The following PDE11A variants were observed in gnomAD, a reference collection of about 807,000 sequenced individuals.
PDE11A encodes the protein dual 3',5'-cyclic-AMP and -GMP phosphodiesterase 11A.
Under a neutral mutation model 100.5 loss-of-function variants are expected in PDE11A, and 100 were observed. That is an observed-to-expected ratio of 1.00 (90% CI 0.85 to 1.18). The LOEUF (loss-of-function observed/expected upper bound fraction) is 1.18. PDE11A is among the 50% of genes most tolerant of loss of function. The pLI, the probability that PDE11A is intolerant of heterozygous loss-of-function variation, is 0.00. For synonymous variants in PDE11A, 381 were observed against 420.8 expected (o/e 0.91, Z 1.16); for missense variants, 1,141 against 1,152.6 (o/e 0.99, Z 0.15).
At chr2:178,028,342 A>G (rs1454711228) in intron 1 of PDE11A, among the ~76,000 whole-genome samples, 2 of 150,390 alleles carry the variant, frequency 1.3e-5, no homozygotes, top group Non-Finnish European at 2.9e-5. Flanking sequence ...CTCTTGCCCT[A>G]TAATATGAGA....
At chr2:177,669,687 G>A in intron 17 of PDE11A, 120 bp from the exon 18 acceptor site, 1 of 717,726 alleles carries the variant, frequency 1.4e-6, no homozygotes, top group South Asian at 1.5e-5. Context: ...AAGCTTATGA[G>A]GAAGTAAGTA....
intron 2 of PDE11A, among the ~76,000 whole-genome samples, chr2:177,913,521 A>G (rs1247041732): frequency 6.6e-6 from 1 of 152,000 alleles, no homozygotes; most frequent in Non-Finnish European, 1.5e-5. Flanking sequence ...TTCCTGTCCC[A>G]CTACCCACTC....
At chr2:177,705,818 T>C (rs1203134787) in intron 13 of PDE11A, among the ~76,000 whole-genome samples, 3 of 152,226 alleles carry the variant, frequency 2.0e-5, no homozygotes, top group African/African-American at 7.2e-5. Context: ...TTCTGGGACC[T>C]GGCCGAAAGC....
intron 17 of PDE11A, among the ~76,000 whole-genome samples, chr2:177,671,169 T>TG (rs2080673522): frequency 6.6e-6 from 1 of 152,116 alleles, no homozygotes; most frequent in African/African-American, 2.4e-5. Context: ...CGCCTCAAGG[T>TG]GGGAGTCCTG....
intron 1 of PDE11A, among the ~76,000 whole-genome samples, chr2:178,069,217 A>G (rs2087091665): frequency 6.6e-6 from 1 of 152,150 alleles, no homozygotes; most frequent in African/African-American, 2.4e-5. Flanking sequence ...AACAAAAATA[A>G]TCTTTGCTAG....
chr2:177,939,007 T>G (rs957957680), intron 2 of PDE11A, among the ~76,000 whole-genome samples: 13 of 152,214 alleles, frequency 8.5e-5, no homozygotes, highest in African/African-American at 3.1e-4. Flanking sequence ...ACAACCATGC[T>G]GACACCTTGA....
chr2:178,058,576 C>T (rs920940485), intron 1 of PDE11A, among the ~76,000 whole-genome samples: 21 of 152,154 alleles, frequency 1.4e-4, no homozygotes, highest in Non-Finnish European at 5.9e-5. Flanking sequence ...TTTTTCTTCC[C>T]AGTCTCGGGT....
chr2:178,065,477 G>A (rs1238035968), intron 1 of PDE11A, among the ~76,000 whole-genome samples: 3 of 152,174 alleles, frequency 2.0e-5, no homozygotes, highest in African/African-American at 7.2e-5. Flanking sequence ...TGTAGGAACT[G>A]TGCCTTTCTG....
intron 1 of PDE11A, among the ~76,000 whole-genome samples, chr2:178,029,949 T>C (rs894516306): frequency 6.6e-6 from 1 of 152,180 alleles, no homozygotes; most frequent in African/African-American, 2.4e-5. Context: ...TTCCACCATG[T>C]TATGCCACAG....
At chr2:178,059,716 A>G (rs2086943496) in intron 1 of PDE11A, among the ~76,000 whole-genome samples, 1 of 152,162 alleles carries the variant, frequency 6.6e-6, no homozygotes, top group South Asian at 2.1e-4. Context: ...AACAGGAAGA[A>G]TCATCTCCCT....
intron 9 of PDE11A, among the ~76,000 whole-genome samples, chr2:177,814,662 G>C (rs1176309087): frequency 6.6e-6 from 1 of 152,230 alleles, no homozygotes; most frequent in African/African-American, 2.4e-5. Context: ...TAAGAGTTGG[G>C]CTAGAGATTT....
At chr2:177,921,138 G>T (rs2085038162) in intron 2 of PDE11A, among the ~76,000 whole-genome samples, 1 of 148,516 alleles carries the variant, frequency 6.7e-6, no homozygotes, top group Non-Finnish European at 1.5e-5. Context: ...AATGTACAAG[G>T]TTTTTTTTAA....
At chr2:178,063,042 T>A (rs533484066) in intron 1 of PDE11A, among the ~76,000 whole-genome samples, 7 of 152,332 alleles carry the variant, frequency 4.6e-5, no homozygotes, top group Admixed American at 1.3e-4. Context: ...CCATCATTTT[T>A]AAAAATTTTT....
At chr2:177,836,041 C>A (rs1179419639) in intron 6 of PDE11A, among the ~76,000 whole-genome samples, 1 of 152,244 alleles carries the variant, frequency 6.6e-6, no homozygotes, top group Non-Finnish European at 1.5e-5. Context: ...GACCACCCAA[C>A]AGCTGATGAG....
chr2:177,876,005 TATA>T, intron 4 of PDE11A, 82 bp from the exon 5 acceptor site: 1 of 810,032 alleles, frequency 1.2e-6, no homozygotes, highest in Non-Finnish European at 2.2e-6. Context: ...TTTTCATCTT[TATA>T]ATGATTATAA....
chr2:177,998,101 T>C, intron 2 of PDE11A: 2 of 1,299,536 alleles, frequency 1.5e-6, no homozygotes, highest in South Asian at 2.4e-5. Flanking sequence ...GAAGGTCTGT[T>C]CTAGGTCGGC....
intron 5 of PDE11A, among the ~76,000 whole-genome samples, chr2:177,861,102 G>C (rs942017689): frequency 6.6e-6 from 1 of 151,610 alleles, no homozygotes; most frequent in African/African-American, 2.4e-5. Context: ...AATCAGGCAA[G>C]AGAAAGAAAT....
intron 2 of PDE11A, among the ~76,000 whole-genome samples, chr2:177,914,191 A>AT (rs367835288): frequency 1.3e-5 from 2 of 151,728 alleles, no homozygotes; most frequent in Non-Finnish European, 2.9e-5. Flanking sequence ...TATTTTGTTT[A>AT]TTTTTTAGTG....
chr2:178,003,891 G>T (rs954534619), intron 2 of PDE11A, among the ~76,000 whole-genome samples: 1 of 152,086 alleles, frequency 6.6e-6, no homozygotes, highest in African/African-American at 2.4e-5. Flanking sequence ...CACAGTCCAA[G>T]ACTTATTTGT....
Sources: gnomAD v4.1 joint callset for allele counts (sites outside exome capture counted in the v4.1 genomes callset) on GRCh38, gnomAD v4.1.1 for gene constraint, MANE v1.5 for transcripts, NCBI Gene and HGNC (gene_info 2026-07-23, HGNC 2026-07-21) for gene names.